COL28A1: variants seen among roughly 807,000 people sequenced by gnomAD.
The protein encoded by COL28A1 is collagen alpha-1(XXVIII) chain.
COL28A1 carries 161 observed loss-of-function variants against 150.2 expected under a neutral mutation model. The observed-to-expected ratio is 1.07, with a 90% CI of 0.94 to 1.22. COL28A1 has a LOEUF of 1.22. Ranked by LOEUF, COL28A1 falls within the 50% of genes most tolerant of loss-of-function variation. The probability of loss-of-function intolerance (pLI) is 0.00; values close to 1 mark genes in which losing one functional copy is unlikely to be tolerated. For missense variants in COL28A1, 1,617 were observed against 1,388.3 expected, an observed-to-expected ratio of 1.16 and a Z score of -2.62; for synonymous variants, 552 against 469.7, an observed-to-expected ratio of 1.18 and a Z score of -2.26.
chr7:7,374,038 A>AAAAAAAAAATATATATATATAT, intron 31 of COL28A1, among the ~76,000 whole-genome samples: 44 of 113,588 alleles, frequency 3.9e-4, no homozygotes, highest in African/African-American at 1.5e-3. Flanking sequence ...AAAAAAAAAA[A>AAAAAAAAAATATATATATATAT]ATATATATAT....
At chr7:7,522,029 G>A (rs1425677840) in intron 4 of COL28A1, 68 bp from the exon 5 acceptor site, 1 of 817,998 alleles carries the variant, frequency 1.2e-6, no homozygotes, top group Non-Finnish European at 2.2e-6. Context: ...ATTTCAAATT[G>A]TATTTCAAAT....
downstream of COL28A1, chr7:7,356,978 G>A (rs1422032712): frequency 1.3e-5 from 2 of 151,966 alleles, no homozygotes; most frequent in African/African-American, 4.8e-5. Context: ...TCCTTCTTCC[G>A]TGAGTGCTCT....
chr7:7,381,204 A>G (rs958793541), intron 28 of COL28A1, among the ~76,000 whole-genome samples: 1 of 152,244 alleles, frequency 6.6e-6, no homozygotes, highest in Non-Finnish European at 1.5e-5. Flanking sequence ...ATGTTGTAAG[A>G]TAACTAATAA....
chr7:7,540,284 A>T (rs1467576811), upstream of COL28A1, among the ~76,000 whole-genome samples: 3 of 152,348 alleles, frequency 2.0e-5, no homozygotes, highest in East Asian at 5.8e-4. Context: ...CTCTGCTTTA[A>T]ATGGCAAAAT....
chr7:7,413,850 T>G (rs985545286), intron 27 of COL28A1, among the ~76,000 whole-genome samples: 4 of 152,176 alleles, frequency 2.6e-5, no homozygotes, highest in African/African-American at 2.4e-5. Flanking sequence ...ATTCTCTCAA[T>G]GAATAAAGCA....
At chr7:7,384,522 T>C (rs1782070372) in intron 27 of COL28A1, among the ~76,000 whole-genome samples, 2 of 152,230 alleles carry the variant, frequency 1.3e-5, no homozygotes, top group Non-Finnish European at 2.9e-5. Context: ...GATGACAGTA[T>C]ATTGCTTATA....
chr7:7,455,071 C>T (rs1787032582), intron 16 of COL28A1, among the ~76,000 whole-genome samples: 1 of 152,136 alleles, frequency 6.6e-6, no homozygotes, highest in African/African-American at 2.4e-5. Flanking sequence ...AAGTAAATCT[C>T]AACAATGACA....
At chr7:7,523,590 A>T (rs993167197) in intron 4 of COL28A1, among the ~76,000 whole-genome samples, 1 of 152,066 alleles carries the variant, frequency 6.6e-6, no homozygotes, top group Non-Finnish European at 1.5e-5. Flanking sequence ...AAATTTCCTG[A>T]TGTTAAATAA....
chr7:7,514,852 C>T (rs903859937), intron 8 of COL28A1, among the ~76,000 whole-genome samples: 24 of 152,128 alleles, frequency 1.6e-4, no homozygotes, highest in Non-Finnish European at 3.4e-4. Context: ...ACCTCTCCTG[C>T]CCCAACAAAC....
chr7:7,382,548 C>G (rs377353186), intron 27 of COL28A1, among the ~76,000 whole-genome samples: 1 of 152,088 alleles, frequency 6.6e-6, no homozygotes. Flanking sequence ...TGGTGTTGAG[C>G]ATGAAACAGA....
At chr7:7,478,049 G>A (rs913952240) in intron 13 of COL28A1, among the ~76,000 whole-genome samples, 18 of 152,280 alleles carry the variant, frequency 1.2e-4, no homozygotes, top group African/African-American at 2.2e-4. Context: ...GCTGATTGGC[G>A]CATTTACAAA....
chr7:7,515,739 A>G, intron 8 of COL28A1, 75 bp downstream of exon 8: 2 of 783,776 alleles, frequency 2.6e-6, no homozygotes, highest in Non-Finnish European at 4.5e-6. Context: ...AACTTTTATT[A>G]AGTTCCTAAG....
At chr7:7,387,998 T>C (rs1782292183) in intron 27 of COL28A1, among the ~76,000 whole-genome samples, 1 of 152,110 alleles carries the variant, frequency 6.6e-6, no homozygotes, top group Non-Finnish European at 1.5e-5. Flanking sequence ...TTCCCTAGGA[T>C]TTGTATTCAT....
intron 30 of COL28A1, among the ~76,000 whole-genome samples, chr7:7,380,054 T>C (rs948517247): frequency 6.6e-6 from 1 of 152,060 alleles, no homozygotes; most frequent in African/African-American, 2.4e-5. Flanking sequence ...GGTCTGTGAT[T>C]TTCCTCAACC....
intron 18 of COL28A1, among the ~76,000 whole-genome samples, chr7:7,450,521 C>T (rs1429525940): frequency 6.6e-6 from 1 of 152,226 alleles, no homozygotes; most frequent in South Asian, 2.1e-4. Context: ...TTTGTACACA[C>T]TTCATATTTG....
chr7:7,420,028 T>C (rs1784313799), intron 25 of COL28A1, 75 bp from the exon 26 acceptor site: 2 of 943,146 alleles, frequency 2.1e-6, no homozygotes, highest in Admixed American at 3.4e-5. Context: ...TATATTTTAA[T>C]ATCAAAAACT....
chr7:7,421,136 T>C (rs1784374059), intron 25 of COL28A1, among the ~76,000 whole-genome samples: 1 of 152,056 alleles, frequency 6.6e-6, no homozygotes, highest in African/African-American at 2.4e-5. Flanking sequence ...AATTCAGCAA[T>C]AAAAAGGAAT....
chr7:7,379,287 C>A (rs1349785571), intron 30 of COL28A1, among the ~76,000 whole-genome samples: 1 of 152,172 alleles, frequency 6.6e-6, no homozygotes, highest in African/African-American at 2.4e-5. Context: ...TGCAAATTCT[C>A]TTTTCCTTCA....
rs563454051 is a variant in COL28A1 at position 7,532,389 on chromosome 7, T to C, written c.124+363A>G. Reference sequence around the variant, plus strand: ...AGAAGAAACCTAACTTAAACACAACTTAAGTTTAAATCCCAGCTCTGTGTC... The same window carrying C: ...AGAAGAAACCTAACTTAAACACAACCTAAGTTTAAATCCCAGCTCTGTGTC... On this transcript the variant is annotated intron_variant, in intron 2 of 34. Transcript: ENST00000399429. Among the ~76,000 whole-genome samples, 4 of 152,084 alleles carry C rather than the reference T, an allele frequency of 2.6e-5. No homozygotes were observed. The East Asian group carries it at 7.7e-4, about 29-fold the overall frequency.
Sources: gnomAD v4.1 joint callset for allele counts (sites outside exome capture counted in the v4.1 genomes callset) on GRCh38, gnomAD v4.1.1 for gene constraint, MANE v1.5 for transcripts, NCBI Gene and HGNC (gene_info 2026-07-23, HGNC 2026-07-21) for gene names.